The following PLCE1 variants were observed in gnomAD, a reference collection of about 807,000 sequenced individuals.
PLCE1 encodes the protein phospholipase C epsilon 1.
Under a neutral mutation model 242.8 loss-of-function variants are expected in PLCE1, and 119 were observed. The observed-to-expected ratio is 0.49, with a 90% CI of 0.42 to 0.57. PLCE1 has a LOEUF of 0.57. PLCE1 is among the 20% of genes least tolerant of loss of function. PLCE1 has a pLI of 0.00. For missense variants in PLCE1, 2,441 were observed against 2,788.8 expected, an observed-to-expected ratio of 0.88 and a Z score of 2.81; for synonymous variants, 945 against 1,017.4, an observed-to-expected ratio of 0.93 and a Z score of 1.35.
chr10:94,163,965 TG>T (rs1302130107), intron 3 of PLCE1, among the ~76,000 whole-genome samples: 1 of 152,234 alleles, frequency 6.6e-6, no homozygotes, highest in Non-Finnish European at 1.5e-5. Context: ...TCTTTAAAAA[TG>T]TTGAATATTG....
At chr10:94,024,284 A>G (rs1257752139) in intron 1 of PLCE1, among the ~76,000 whole-genome samples, 2 of 152,200 alleles carry the variant, frequency 1.3e-5, no homozygotes, top group South Asian at 2.1e-4. Flanking sequence ...ATAAAACTCT[A>G]AAGAAGCAAA....
Position 94,202,674 on chromosome 10 carries a change from T to C in PLCE1, c.1810-24632T>C, listed in dbSNP as rs117393206. 1.1e-3 allele frequency among the ~76,000 whole-genome samples: 162 copies of C among 152,316 alleles called. 2 individuals are homozygous for C. The East Asian group carries it at 0.03, about 28-fold the overall frequency. The stretch of plus-strand genomic sequence containing the variant: ...TCTTGATGACAGTGTAAGGAAACCT[T>C]GGCCCCTTGGCTACAAGGTGTGTCC... On this transcript the variant is annotated intron_variant, in intron 4 of 32. Coordinates refer to ENST00000371380, the MANE Select transcript of PLCE1 (RefSeq NM_016341.4).
intron 4 of PLCE1, among the ~76,000 whole-genome samples, chr10:94,183,128 G>C (rs898517872): frequency 6.6e-6 from 1 of 152,146 alleles, no homozygotes; most frequent in Non-Finnish European, 1.5e-5. Context: ...ACCCTATTAG[G>C]ATGTTTAATT....
intron 9 of PLCE1, 61 bp downstream of exon 9, chr10:94,252,559 C>G: frequency 3.7e-6 from 5 of 1,368,782 alleles, no homozygotes; most frequent in Non-Finnish European, 5.1e-6. Context: ...GTATGGTGAA[C>G]ATCACCATAA....
intron 1 of PLCE1, among the ~76,000 whole-genome samples, chr10:94,018,004 A>G (rs2061311005): frequency 6.6e-6 from 1 of 152,174 alleles, no homozygotes; most frequent in African/African-American, 2.4e-5. Context: ...TTTTATGTTT[A>G]TCTCGTCCAG....
intron 1 of PLCE1, among the ~76,000 whole-genome samples, chr10:93,998,943 T>C (rs892372626): frequency 6.6e-6 from 1 of 152,206 alleles, no homozygotes; most frequent in Non-Finnish European, 1.5e-5. Context: ...CAAGGGGTCA[T>C]GAGCCAAGCC....
At chr10:94,224,860 G>T (rs1042489849) in intron 4 of PLCE1, among the ~76,000 whole-genome samples, 1 of 152,202 alleles carries the variant, frequency 6.6e-6, no homozygotes, top group Non-Finnish European at 1.5e-5. Flanking sequence ...GTGAGCAAGG[G>T]GTTACTCATA....
rs531827008 is a variant in PLCE1 at position 94,008,501 on chromosome 10, G to A, written c.-365+14243G>A. Among the ~76,000 whole-genome samples, 34 of 152,180 alleles carry A rather than the reference G, an allele frequency of 2.2e-4. 1 individual carries two copies. The highest frequency in any genetic ancestry group is 4.1e-4 in the South Asian group (2 of 4,820). The stretch of plus-strand genomic sequence containing the variant: ...TTTTTGCATTTTTAATAAAGACAGC[G>A]TTTCACTACATTGGCCAGGCTGGTC... On this transcript the variant is annotated intron_variant, in intron 1 of 32. Coordinates refer to ENST00000371380, the MANE Select transcript of PLCE1 (RefSeq NM_016341.4).
chr10:94,025,786 C>T (rs759719251), intron 1 of PLCE1, among the ~76,000 whole-genome samples: 6 of 152,176 alleles, frequency 3.9e-5, no homozygotes, highest in Non-Finnish European at 8.8e-5. Flanking sequence ...CATCTCAATT[C>T]TTCAAATAAA....
intron 2 of PLCE1, chr10:94,100,220 G>C (rs1564687661): frequency 6.6e-6 from 1 of 152,208 alleles, no homozygotes; most frequent in Non-Finnish European, 1.5e-5. Context: ...GAAAGACCCA[G>C]GGCAGAAACC....
intron 3 of PLCE1, among the ~76,000 whole-genome samples, chr10:94,133,030 T>A (rs536409195): frequency 8.9e-4 from 135 of 152,274 alleles, no homozygotes; most frequent in Non-Finnish European, 1.3e-3. Context: ...TAATTTTTTT[T>A]TAAATGATTC....
At chr10:94,267,447 C>T (rs2051558464) in intron 16 of PLCE1, among the ~76,000 whole-genome samples, 1 of 152,104 alleles carries the variant, frequency 6.6e-6, no homozygotes, top group Non-Finnish European at 1.5e-5. Flanking sequence ...GTGGATCCCT[C>T]TTACTTCATT....
intron 2 of PLCE1, among the ~76,000 whole-genome samples, chr10:94,054,221 T>C (rs2043840960): frequency 6.6e-6 from 1 of 152,204 alleles, no homozygotes; most frequent in Non-Finnish European, 1.5e-5. Context: ...CATAATGCGG[T>C]GGTCTGCTTG....
chr10:94,074,144 C>G (rs2044435448), intron 2 of PLCE1, among the ~76,000 whole-genome samples: 1 of 150,738 alleles, frequency 6.6e-6, no homozygotes. Context: ...CAAGTTCAGA[C>G]AGGGCCTAAA....
chr10:94,030,151 T>C (rs2061528830), intron 1 of PLCE1, among the ~76,000 whole-genome samples: 1 of 152,214 alleles, frequency 6.6e-6, no homozygotes, highest in African/African-American at 2.4e-5. Flanking sequence ...TCTTCTGGAT[T>C]GCATTGTTTC....
intron 1 of PLCE1, among the ~76,000 whole-genome samples, chr10:94,005,007 AG>A (rs1429776410): frequency 8.5e-4 from 130 of 152,374 alleles, no homozygotes; most frequent in African/African-American, 2.9e-3. Flanking sequence ...GTTTTGTTAA[AG>A]GGGCTTAGTT....
intron 7 of PLCE1, among the ~76,000 whole-genome samples, chr10:94,243,805 C>T (rs2050588957): frequency 6.6e-6 from 1 of 152,002 alleles, no homozygotes; most frequent in East Asian, 1.9e-4. Flanking sequence ...ATATGCCTTC[C>T]TAAATAGTAC....
chr10:94,221,502 C>G (rs777844245), intron 4 of PLCE1, among the ~76,000 whole-genome samples: 1 of 152,132 alleles, frequency 6.6e-6, no homozygotes, highest in Non-Finnish European at 1.5e-5. Context: ...TTTGGGAGGC[C>G]GAGGTGGGTG....
intron 3 of PLCE1, among the ~76,000 whole-genome samples, chr10:94,133,427 C>A (rs1296428503): frequency 6.6e-6 from 1 of 152,236 alleles, no homozygotes; most frequent in Non-Finnish European, 1.5e-5. Flanking sequence ...GCTTGGCAGC[C>A]TTCCCTGGCA....
Sources: allele counts gnomAD v4.1 joint callset (sites outside exome capture counted in the v4.1 genomes callset), GRCh38; gene constraint gnomAD v4.1.1; transcripts MANE v1.5; gene names NCBI Gene and HGNC (gene_info 2026-07-23, HGNC 2026-07-21).